Variants in KCNH4 observed in about 807,000 individuals in gnomAD.
KCNH4 encodes the protein potassium voltage-gated channel subfamily H member 4.
In KCNH4, 33 loss-of-function variants were observed where a neutral mutation model predicts 90.7. The ratio of observed to expected loss-of-function variants is 0.36; its 90% CI spans 0.28 to 0.49. The LOEUF (loss-of-function observed/expected upper bound fraction) is 0.49. Ranked by LOEUF, KCNH4 falls within the 20% of genes least tolerant of loss-of-function variation. KCNH4 has a pLI of 0.98. For missense variants in KCNH4, 1,044 were observed against 1,387.1 expected (o/e 0.75, Z 3.93); for synonymous variants, 551 against 581.7 (o/e 0.95, Z 0.76).
rs976816287 is a variant in KCNH4, at chr17:42,163,827, T to C, written c.2256A>G (p.Ala752=). 3.3e-6 allele frequency: 5 copies of C among 1,520,290 alleles called. No homozygotes were observed. Among genetic ancestry groups the C allele is most frequent in the Admixed American group, 2.2e-5 (1 of 44,798 alleles). 94.2% of individuals were successfully genotyped at this position (1,520,290 alleles called of 1,614,324 possible). A position where few individuals can be genotyped will look rare whatever the true frequency, so the allele number is the denominator to read the frequency against. Residue 752 remains alanine, a synonymous_variant, in exon 13 of 17, where the codon GCA becomes GCG. Coordinates refer to ENST00000264661, the MANE Select transcript of KCNH4 (RefSeq NM_012285.3). The surrounding 1 kb of genome is among the most constrained non-coding windows in gnomAD (Gnocchi z 5.4). ...RPLLLPNLSP[A]RPRGSLVSLL... is the part of the protein sequence containing the mutation. ...GGCTGACCAGGGAGCCCCGAGGCCG[T>C]GCTGGGCTGAGGTTGGGCAGCAGGA...
In KCNH4 at chr17:42,166,465, C is replaced by G. The variant is rs748724738; in HGVS notation, c.1672G>C (p.Gly558Arg). The G allele has an allele frequency of 2.5e-6, 4 of 1,614,066 alleles. No homozygotes were observed. The highest frequency in any genetic ancestry group is 1.7e-5 in the Admixed American group (1 of 60,008). The change falls in exon 10 of 17, where the codon GGG becomes CGG. Residue 558 changes from glycine (G) to arginine (R), a missense_variant. Physicochemically the swap from Gly to Arg is moderately radical, Grantham distance 125. Transcript: ENST00000264661. Reference protein sequence around the residue: ...NREILQLPLFGAASRGCLRAL... With the variant: ...NREILQLPLFRAASRGCLRAL... ...CGCAGGCAGCCCCTGCTCGCTGCCC[C>G]GAACAACGGCAGCTGCAGGATCTCC... is the stretch of plus-strand genomic sequence containing the variant.
In KCNH4 at chr17:42,171,805, G is replaced by A. The variant is rs142929729; in HGVS notation, c.1178C>T (p.Pro393Leu). 1.1e-5 allele frequency: 18 copies of A among 1,613,982 alleles called. No individual in the cohort carries two copies. Among genetic ancestry groups the A allele is most frequent in the Admixed American group, 3.3e-5 (2 of 59,990 alleles). Reference sequence around the variant, plus strand: ...TGGCTCACCAATGTCCCAGAGCAGCGGGTCATTGGCCTCCATCTCCCGGCG... The same window carrying A: ...TGGCTCACCAATGTCCCAGAGCAGCAGGTCATTGGCCTCCATCTCCCGGCG... ...IGRREMEAND[P>L]LLWDIGWLHE... is the part of the protein sequence containing the mutation. The change falls in exon 7 of 17, where the codon CCG (proline) becomes CTG (leucine). Residue 393 changes from proline (P) to leucine (L), a missense_variant. Pro to Leu is a moderately conservative substitution (Grantham distance 98). Transcript: ENST00000264661.
intron 3 of KCNH4, 27 bp downstream of exon 3, chr17:42,178,304 A>T: frequency 6.2e-7 from 1 of 1,614,128 alleles, no homozygotes; most frequent in Non-Finnish European, 8.5e-7. Flanking sequence ...CTGACCATTC[A>T]CACTGCCCGT....
rs1339864229 is a variant in KCNH4 at position 42,162,300 on chromosome 17, A to G, written c.2606T>C (p.Leu869Ser). ...PPTGTRPSPE[L>S]ASEAEEVKEK... ...CTTCACCTCCTCAGCCTCACTGGCC[A>G]ATTCTGGGCTGGGCCTGGTCCCTGC... The change falls in exon 15 of 17, where the codon TTG becomes TCG. Residue 869 changes from leucine to serine, a missense_variant. Physicochemically the swap from Leu to Ser is moderately radical, Grantham distance 145. This residue lies in a region of KCNH4 where 441 missense variants were observed against 512.3 expected (regional missense o/e 0.86). Transcript: ENST00000264661. The G allele has an allele frequency of 6.2e-7, 1 of 1,613,800 alleles. No homozygotes were observed. Among genetic ancestry groups the G allele is most frequent in the Non-Finnish European group, 8.5e-7 (1 of 1,179,872 alleles).
Position 42,170,091 on chromosome 17 carries a change from G to A in KCNH4, c.1390+16C>T. 1.3e-6 allele frequency: 2 copies of A among 1,575,932 alleles called. No homozygotes were observed. The highest frequency in any genetic ancestry group is 1.7e-6 in the Non-Finnish European group (2 of 1,159,142). On this transcript the variant is annotated intron_variant, in intron 8 of 16. Transcript: ENST00000264661. ...CTTCGCAGGGCCCCACTGAGGCGTG[G>A]CAGGTCTGGCCTCACCGCCTATGAG...
rs185876317 is a variant in KCNH4, at chr17:42,171,310, G to T, written c.1195+478C>A. 3.8e-3 allele frequency among the ~76,000 whole-genome samples: 575 copies of T among 152,190 alleles called. 6 individuals carry two copies. Among genetic ancestry groups the T allele is most frequent in the African/African-American group, 0.013 (548 of 41,492 alleles). ...ACATTTGAGAGGTGGTATTGATGTG[G>T]TGGGCTAGGTGTGGGGTAAAGGAAA... On this transcript the variant is annotated intron_variant, in intron 7 of 16. Transcript: ENST00000264661.
Position 42,163,479 on chromosome 17 carries a change from G to T in KCNH4, c.2477+127C>A. 1 of 761,592 alleles carries T rather than the reference G, an allele frequency of 1.3e-6. No homozygotes were observed. The highest frequency in any genetic ancestry group is 2.2e-6 in the Non-Finnish European group (1 of 458,274). The allele number at this position is 761,592 out of a possible 1,614,324, so 47.2% of individuals were successfully genotyped here. Reference sequence around the variant, plus strand: ...GGGTTGGGGTTGCAAGCTGTGGTTGGAAGGGTGCGGTGGGCACACGGGCAG... The same window carrying T: ...GGGTTGGGGTTGCAAGCTGTGGTTGTAAGGGTGCGGTGGGCACACGGGCAG... On this transcript the variant is annotated intron_variant, in intron 13 of 16. Coordinates refer to ENST00000264661, the MANE Select transcript of KCNH4 (RefSeq NM_012285.3). The surrounding 1 kb of genome is among the most constrained non-coding windows in gnomAD (Gnocchi z 5.4).
intron 9 of KCNH4, among the ~76,000 whole-genome samples, 170 bp from the exon 10 acceptor site, chr17:42,166,716 A>G (rs9912576): frequency 0.2 from 30,808 of 152,044 alleles, 3,829 homozygotes; most frequent in East Asian, 0.4. Flanking sequence ...TGCTTGCTGC[A>G]TGTACCTCAC....
chr17:42,160,525 A>G, intron 15 of KCNH4, 90 bp from the exon 16 acceptor site: 1 of 1,384,194 alleles, frequency 7.2e-7, no homozygotes, highest in South Asian at 1.5e-5. Context: ...TTTCGCAGCC[A>G]CTTTCTGCTC....
At position 42,175,587 on chromosome 17, in the gene KCNH4, T is replaced by C. The variant is rs2079855102; in HGVS notation, c.979A>G (p.Ile327Val). 1.9e-6 allele frequency: 3 copies of C among 1,613,936 alleles called. No individual in the cohort carries two copies. In the South Asian group the frequency reaches 3.3e-5, roughly 18 times the overall value. Residue 327 changes from isoleucine (I) to valine (V), a missense_variant, in exon 6 of 17, where the codon ATC becomes GTC. This residue lies in a region of KCNH4 where 318 missense variants were observed against 479.6 expected (regional missense o/e 0.66). Coordinates refer to ENST00000264661, the MANE Select transcript of KCNH4 (RefSeq NM_012285.3). ...GGATGGAGGTCACTCACCACGGTGA[T>C]GTTGAAGATGTAAAGCAGGTCAAAG... ...LPFDLLYIFN[I>V]TVTSLVHLLK...
chr17:42,162,423 G>A, intron 14 of KCNH4, 102 bp from the exon 15 acceptor site: 1 of 958,276 alleles, frequency 1.0e-6, no homozygotes, highest in South Asian at 1.4e-5. Flanking sequence ...AGAGCAGGGG[G>A]AGACAAAGCT....
rs199559049 is a variant in KCNH4 at position 42,160,272 on chromosome 17, G to A, written c.2822C>T (p.Ala941Val). 5.0e-6 allele frequency: 8 copies of A among 1,614,090 alleles called. 1 individual carries two copies. In the South Asian group the frequency reaches 6.6e-5, roughly 13 times the overall value. ...QLRPPCLSPCASRPPPSLQDT... is the reference protein window; with the variant it reads ...QLRPPCLSPCVSRPPPSLQDT... Reference sequence around the variant, plus strand: ...CTGGAGGCTGGGTGGTGGTCTGGACGCACAAGGAGAGAGGCATGGTGGCCT... The same window carrying A: ...CTGGAGGCTGGGTGGTGGTCTGGACACACAAGGAGAGAGGCATGGTGGCCT... The change falls in exon 16 of 17, where the codon GCG becomes GTG. Residue 941 changes from alanine to valine, a missense_variant. Around this residue, in one of 4 missense-constraint regions of KCNH4, gnomAD observed 441 missense variants for 512.3 expected, o/e 0.86. Coordinates refer to ENST00000264661, the MANE Select transcript of KCNH4 (RefSeq NM_012285.3).
At chr17:42,161,347 C>A (rs2079747275) in intron 15 of KCNH4, among the ~76,000 whole-genome samples, 2 of 152,204 alleles carry the variant, frequency 1.3e-5, no homozygotes, top group South Asian at 4.1e-4. Flanking sequence ...CCGCTCAGGC[C>A]CCAGGGCCTG....
chr17:42,162,419 G>A, intron 14 of KCNH4, 98 bp from the exon 15 acceptor site: 1 of 1,016,286 alleles, frequency 9.8e-7, no homozygotes, highest in Non-Finnish European at 1.5e-6. Context: ...GCGGAGAGCA[G>A]GGGGAGACAA....
At chr17:42,157,604 G>GT (rs1003178378) in intron 16 of KCNH4, among the ~76,000 whole-genome samples, 10 of 152,056 alleles carry the variant, frequency 6.6e-5, no homozygotes, top group African/African-American at 2.2e-4. Context: ...ATGTCCTGAG[G>GT]TTTTTTTTGT....
chr17:42,167,634 C>T (rs2144127661), intron 9 of KCNH4, among the ~76,000 whole-genome samples: 1 of 152,302 alleles, frequency 6.6e-6, no homozygotes, highest in South Asian at 2.1e-4. Context: ...ATACCCTCCT[C>T]TTGGTCTGAC....
chr17:42,162,280 C>T lies in KCNH4; in HGVS notation c.2626G>A (p.Val876Met). 6.2e-7 allele frequency: 1 copy of T among 1,613,962 alleles called. No individual in the cohort carries two copies. Among genetic ancestry groups the T allele is most frequent in the African/African-American group, 1.3e-5 (1 of 75,022 alleles). The change falls in exon 15 of 17, where the codon GTG becomes ATG. Residue 876 changes from valine to methionine, a missense_variant. Around this residue, in one of 4 missense-constraint regions of KCNH4, gnomAD observed 441 missense variants for 512.3 expected, o/e 0.86. Coordinates refer to ENST00000264661, the MANE Select transcript of KCNH4 (RefSeq NM_012285.3). ...SPELASEAEE[V>M]KEKVCRLNQE... ...TTCAGCCGGCAAACCTTTTCCTTCACCTCCTCAGCCTCACTGGCCAATTCT... is the reference window on the plus strand; with the variant it reads ...TTCAGCCGGCAAACCTTTTCCTTCATCTCCTCAGCCTCACTGGCCAATTCT...
In KCNH4 at chr17:42,178,915, T is replaced by C. The variant is rs751375218; in HGVS notation, c.188A>G (p.Lys63Arg). Residue 63 changes from lysine to arginine, a missense_variant, in exon 2 of 17, where the codon AAG (lysine) becomes AGG (arginine). By Grantham distance (26) the Lys-to-Arg change is conservative. Coordinates refer to ENST00000264661, the MANE Select transcript of KCNH4 (RefSeq NM_012285.3). ...GTAGAGGAAACGGCAGCTGCAGGTC[T>C]TCTGCATGACCTCGGTGCGACCGTA... ...TGYGRTEVMQ[K>R]TCSCRFLYGP... 3.1e-6 allele frequency: 5 copies of C among 1,614,080 alleles called. No individual in the cohort carries two copies. In the South Asian group the frequency reaches 4.4e-5, roughly 14 times the overall value.
chr17:42,176,277 T>C lies in KCNH4; in HGVS notation c.606A>G (p.Pro202=), dbSNP rs1200221297. ...AGGCCACCTTGTACTCGGGCACTGA[T>C]GGCTTTGGCTCAAACACGTTCTAAG... The part of the protein sequence containing the change: ...KANNNVFEPK[P]SVPEYKVASV... The change falls in exon 5 of 17, where the codon CCA becomes CCG. Residue 202 remains proline, a synonymous_variant. Coordinates refer to ENST00000264661, the MANE Select transcript of KCNH4 (RefSeq NM_012285.3). 1.9e-6 allele frequency: 3 copies of C among 1,605,926 alleles called. No individual in the cohort carries two copies. The highest frequency in any genetic ancestry group is 2.5e-6 in the Non-Finnish European group (3 of 1,176,996).
Sources: allele counts gnomAD v4.1 joint callset (sites outside exome capture counted in the v4.1 genomes callset), GRCh38; gene constraint gnomAD v4.1.1; regional missense constraint gnomAD v4.1.1; non-coding constraint Gnocchi (gnomAD v3.1); transcripts MANE v1.5; gene names NCBI Gene and HGNC (gene_info 2026-07-23, HGNC 2026-07-21).